The following MT1X variants were observed in gnomAD, a reference collection of about 807,000 sequenced individuals.
MT1X encodes metallothionein-1X.
Under a neutral mutation model 8.6 loss-of-function variants are expected in MT1X, and 7 were observed. The observed-to-expected ratio is 0.81, with a 90% CI of 0.46 to 1.52. MT1X has a LOEUF of 1.52. Ranked by LOEUF, MT1X falls within the 40% of genes most tolerant of loss-of-function variation. MT1X has a pLI of 0.01. For synonymous variants in MT1X, 25 were observed against 27.6 expected, an observed-to-expected ratio of 0.91 and a Z score of 0.30; for missense variants, 72 against 74.3, an observed-to-expected ratio of 0.97 and a Z score of 0.11.
chr16:56,682,694 C>T, intron 1 of MT1X, 126 bp downstream of exon 1: 1 of 1,214,260 alleles, frequency 8.2e-7, no homozygotes. Context: ...TCGTTAGGTG[C>T]TTTCTTCCCG....
At position 56,683,918 on chromosome 16, in the gene MT1X, T is replaced by C. The variant is rs540038632; in HGVS notation, c.95-40T>C. The C allele has an allele frequency of 3.0e-4, 490 of 1,612,352 alleles. 3 individuals carry two copies. In the East Asian group the frequency reaches 9.4e-3, roughly 31 times the overall value. ...CTGTTGGGGCAGGGAGGTGCCTGAT[T>C]GAGTCTGCTCTGACCTCTCACTCTC... On this transcript the variant is annotated intron_variant, in intron 2 of 2. Transcript: ENST00000394485.
rs538152684 is a variant in MT1X, at chr16:56,683,383, A to G, written c.94+153A>G. 4.7e-5 allele frequency: 39 copies of G among 829,180 alleles called. 1 individual carries two copies. In the South Asian group the frequency reaches 6.3e-4, roughly 13 times the overall value. 51.4% of individuals were successfully genotyped at this position (829,180 alleles called of 1,614,324 possible). A position where few individuals can be genotyped will look rare whatever the true frequency, so the allele number is the denominator to read the frequency against. ...AATCAGACCTCAAATTGCCTTAAAA[A>G]TGGGTGAGTCCCAGCCTCTTATTAC... On this transcript the variant is annotated intron_variant, in intron 2 of 2. Coordinates refer to ENST00000394485, the MANE Select transcript of MT1X (RefSeq NM_005952.4).
intron 2 of MT1X, 161 bp from the exon 3 acceptor site, chr16:56,683,797 C>G: frequency 9.2e-7 from 1 of 1,085,362 alleles, no homozygotes; most frequent in Non-Finnish European, 1.3e-6. Context: ...CATATAAAAC[C>G]CTCATCCCAA....
At chr16:56,682,837 C>A (rs372785328) in intron 1 of MT1X, 20 of 597,626 alleles carry the variant, frequency 3.3e-5, no homozygotes, top group African/African-American at 2.8e-4. Flanking sequence ...AATGCTCTGA[C>A]CAGGCTCTGA....
intron 2 of MT1X, 82 bp downstream of exon 2, chr16:56,683,312 G>A (rs745650869): frequency 6.5e-7 from 1 of 1,541,638 alleles, no homozygotes; most frequent in Non-Finnish European, 8.9e-7. Context: ...GCAGGGGCAG[G>A]CCAATGACCA....
rs367785767 is a variant in MT1X, at chr16:56,682,523, G to T, written c.-18G>T. On this transcript the variant is annotated 5_prime_UTR_variant, in exon 1 of 3. Transcript: ENST00000394485. ...GTTTTCCTCTTGATCGGGAACTCCT[G>T]CTTCTCCTTGCCTCGAAATGGACCC... 6 of 1,614,192 alleles carry T rather than the reference G, an allele frequency of 3.7e-6. No homozygotes were observed. In the South Asian group the frequency reaches 5.5e-5, roughly 15 times the overall value.
intron 2 of MT1X, 140 bp from the exon 3 acceptor site, chr16:56,683,818 G>A: frequency 1.6e-6 from 2 of 1,267,774 alleles, no homozygotes; most frequent in African/African-American, 1.5e-5. Context: ...AGATCTACCA[G>A]TTCTCTTCTG....
intron 2 of MT1X, 80 bp from the exon 3 acceptor site, chr16:56,683,878 G>C: frequency 6.3e-7 from 1 of 1,588,688 alleles, no homozygotes; most frequent in Non-Finnish European, 8.6e-7. Context: ...TGGAGGCAGG[G>C]CTCGAGCCAG....
At chr16:56,683,349 C>A in intron 2 of MT1X, 119 bp downstream of exon 2, 2 of 1,181,102 alleles carry the variant, frequency 1.7e-6, no homozygotes, top group Non-Finnish European at 1.2e-6. Context: ...CCTTCAACAC[C>A]TGATTCAGAA....
At chr16:56,683,047 A>G in intron 1 of MT1X, 118 bp from the exon 2 acceptor site, 1 of 1,215,468 alleles carries the variant, frequency 8.2e-7, no homozygotes, top group Non-Finnish European at 1.2e-6. Context: ...CTGAGTGGGA[A>G]AGGAGCTCTG....
chr16:56,682,979 A>G (rs536068463), intron 1 of MT1X, 186 bp from the exon 2 acceptor site: 1 of 707,176 alleles, frequency 1.4e-6, no homozygotes, highest in East Asian at 2.8e-5. Flanking sequence ...TAAAAGCAAC[A>G]GAACACTTGC....
chr16:56,683,337 C>CTCCT, intron 2 of MT1X, 107 bp downstream of exon 2: 1 of 1,288,274 alleles, frequency 7.8e-7, no homozygotes, highest in Non-Finnish European at 1.1e-6. Flanking sequence ...CCCCAAACCC[C>CTCCT]TCCTTCAACA....
intron 1 of MT1X, 185 bp from the exon 2 acceptor site, chr16:56,682,980 G>A (rs1961019350): frequency 1.4e-6 from 1 of 710,894 alleles, no homozygotes; most frequent in East Asian, 2.8e-5. Context: ...AAAAGCAACA[G>A]AACACTTGCC....
In MT1X at chr16:56,684,156, T is replaced by C; in HGVS notation, c.*107T>C. ...CCTGACCCGTTTGCTACATCTTTTT[T>C]TCTATGAAATATGTGAATGGCAATA... On this transcript the variant is annotated 3_prime_UTR_variant, in exon 3 of 3. Coordinates refer to ENST00000394485, the MANE Select transcript of MT1X (RefSeq NM_005952.4). The C allele has an allele frequency of 7.5e-7, 1 of 1,340,704 alleles. No homozygotes were observed. The highest frequency in any genetic ancestry group is 1.0e-6 in the Non-Finnish European group (1 of 987,766). 83.1% of individuals were successfully genotyped at this position (1,340,704 alleles called of 1,614,324 possible). A position where few individuals can be genotyped will look rare whatever the true frequency, so the allele number is the denominator to read the frequency against.
chr16:56,683,232 T>G lies in MT1X; in HGVS notation c.94+2T>G, dbSNP rs1383167026. 2.5e-6 allele frequency: 4 copies of G among 1,613,616 alleles called. No individual in the cohort carries two copies. The highest frequency in any genetic ancestry group is 3.4e-6 in the Non-Finnish European group (4 of 1,179,806). On this transcript the variant is annotated splice_donor_variant, in intron 2 of 2. Transcript: ENST00000394485. LOFTEE classifies it high-confidence loss of function. ...GCAAATGCACCTCCTGCAAGAAGAG[T>G]GAGTGCAGGGCCTTCCCTGCGAATC...
chr16:56,683,341 T>G, intron 2 of MT1X, 111 bp downstream of exon 2: 2 of 1,243,422 alleles, frequency 1.6e-6, no homozygotes, highest in South Asian at 2.5e-5. Flanking sequence ...AAACCCCTCC[T>G]TCAACACCTG....
chr16:56,684,132 C>G lies in MT1X; in HGVS notation c.*83C>G. On this transcript the variant is annotated 3_prime_UTR_variant, in exon 3 of 3. Coordinates refer to ENST00000394485, the MANE Select transcript of MT1X (RefSeq NM_005952.4). ...TTTTTTTTTTTTTTTTTGTACAACC[C>G]TGACCCGTTTGCTACATCTTTTTTT... 1.4e-6 allele frequency: 2 copies of G among 1,433,910 alleles called. No homozygotes were observed. Among genetic ancestry groups the G allele is most frequent in the Non-Finnish European group, 1.9e-6 (2 of 1,066,666 alleles). 88.8% of individuals were successfully genotyped at this position (1,433,910 alleles called of 1,614,324 possible). A position where few individuals can be genotyped will look rare whatever the true frequency, so the allele number is the denominator to read the frequency against.
At position 56,683,157 on chromosome 16, in the gene MT1X, C is replaced by T. The variant is rs1325772610; in HGVS notation, c.29-8C>T. 1.9e-6 allele frequency: 3 copies of T among 1,613,876 alleles called. No individual in the cohort carries two copies. Among genetic ancestry groups the T allele is most frequent in the East Asian group, 4.5e-5 (2 of 44,866 alleles). On this transcript the variant is annotated splice_polypyrimidine_tract_variant and splice_region_variant and intron_variant, in intron 1 of 2. Transcript: ENST00000394485. ...TCCACGCTCACTGCCTTTTTCTCTT[C>T]CTTGCAGTTGGCTCCTGTGCCTGTG...
Position 56,683,172 on chromosome 16 carries a change from C to T in MT1X, c.36C>T (p.Ser12=), listed in dbSNP as rs1025882973. ...TTTTTCTCTTCCTTGCAGTTGGCTCCTGTGCCTGTGCCGGCTCCTGCAAAT... is the reference window on the plus strand; with the variant it reads ...TTTTTCTCTTCCTTGCAGTTGGCTCTTGTGCCTGTGCCGGCTCCTGCAAAT... ...DPNCSCSPVG[S]CACAGSCKCK... is the part of the protein sequence containing the mutation. Residue 12 remains serine, a synonymous_variant, in exon 2 of 3, where the codon TCC becomes TCT. Coordinates refer to ENST00000394485, the MANE Select transcript of MT1X (RefSeq NM_005952.4). The T allele has an allele frequency of 1.2e-6, 2 of 1,614,010 alleles. No individual in the cohort carries two copies. Among genetic ancestry groups the T allele is most frequent in the Non-Finnish European group, 1.7e-6 (2 of 1,179,920 alleles).
Sources: gnomAD v4.1 joint callset for allele counts on GRCh38, gnomAD v4.1.1 for gene constraint, MANE v1.5 for transcripts, NCBI Gene and HGNC (gene_info 2026-07-23, HGNC 2026-07-21) for gene names.